The following SETD2 variants were observed in gnomAD, a reference collection of about 807,000 sequenced individuals.
SETD2 encodes SET domain containing 2, histone lysine methyltransferase, also known as histone-lysine N-methyltransferase SETD2.
A neutral mutation model predicts 242.1 loss-of-function variants in SETD2; 31 were observed. The observed-to-expected ratio is 0.13, with a 90% CI of 0.10 to 0.17. The LOEUF (loss-of-function observed/expected upper bound fraction) is 0.17, where lower values mean the gene tolerates loss of function less well. SETD2 is among the 10% of genes least tolerant of loss of function. The probability of loss-of-function intolerance (pLI) is 1.00; values close to 1 mark genes in which losing one functional copy is unlikely to be tolerated. For missense variants in SETD2, 2,481 were observed against 3,046.3 expected (o/e 0.81, Z 4.37); for synonymous variants, 1,006 against 1,066.5 (o/e 0.94, Z 1.11).
intron 9 of SETD2, among the ~76,000 whole-genome samples, chr3:47,094,049 A>G (rs1253350326): frequency 6.6e-6 from 1 of 152,196 alleles, no homozygotes; most frequent in Non-Finnish European, 1.5e-5. Context: ...GGATAGTAGT[A>G]TTCATTTGTT....
intron 1 of SETD2, among the ~76,000 whole-genome samples, chr3:47,149,079 T>C (rs2043925397): frequency 6.6e-6 from 1 of 152,160 alleles, no homozygotes; most frequent in Non-Finnish European, 1.5e-5. Context: ...ACCCTCCAAA[T>C]TGAACAATTA....
At chr3:47,074,995 G>C (rs2040989571) in intron 12 of SETD2, among the ~76,000 whole-genome samples, 1 of 152,118 alleles carries the variant, frequency 6.6e-6, no homozygotes, top group Admixed American at 6.5e-5. Flanking sequence ...TTAGCTGGGC[G>C]TGGTGGCAGG....
rs145713439 is a variant in SETD2 at position 47,032,454 on chromosome 3, A to G, written c.7350+5212T>C. Among the ~76,000 whole-genome samples the G allele has an allele frequency of 7.2e-5, 11 of 152,266 alleles. 1 individual carries two copies. The East Asian group carries it at 2.1e-3, about 29-fold the overall frequency. ...AACCCTGATGGTGCCACTGCACTCCAGCCTGGGAAACAGAGTGAACCATGG... is the reference window on the plus strand; with the variant it reads ...AACCCTGATGGTGCCACTGCACTCCGGCCTGGGAAACAGAGTGAACCATGG... On this transcript the variant is annotated intron_variant, in intron 18 of 20. Transcript: ENST00000409792.
At chr3:47,026,852 T>G (rs2107508437) in intron 18 of SETD2, among the ~76,000 whole-genome samples, 1 of 152,188 alleles carries the variant, frequency 6.6e-6, no homozygotes, top group South Asian at 2.1e-4. Flanking sequence ...AAAAACCTCA[T>G]GTAGGTGATG....
intron 10 of SETD2, among the ~76,000 whole-genome samples, chr3:47,086,649 C>A (rs2041570157): frequency 6.6e-6 from 1 of 151,600 alleles, no homozygotes; most frequent in Non-Finnish European, 1.5e-5. Flanking sequence ...AAGCTAAAAC[C>A]ATAAAAATTA....
intron 8 of SETD2, 102 bp from the exon 9 acceptor site, chr3:47,098,183 CA>C (rs1378402387): frequency 1.7e-6 from 2 of 1,187,570 alleles, no homozygotes; most frequent in African/African-American, 3.1e-5. Flanking sequence ...CAAAATCAAA[CA>C]AACAAAAACC....
intron 9 of SETD2, among the ~76,000 whole-genome samples, chr3:47,097,417 A>G (rs780890132): frequency 9.2e-5 from 14 of 152,182 alleles, no homozygotes; most frequent in Non-Finnish European, 1.6e-4. Context: ...TTCCCCACCA[A>G]CAATCCCATC....
intron 15 of SETD2, among the ~76,000 whole-genome samples, chr3:47,050,750 A>AT: frequency 6.7e-5 from 1 of 14,994 alleles, no homozygotes; most frequent in Non-Finnish European, 1.1e-4. Flanking sequence ...TTTTTTTTTG[A>AT]GACAGAGTCT....
chr3:47,043,617 C>T (rs566360228), intron 16 of SETD2, among the ~76,000 whole-genome samples: 10 of 152,192 alleles, frequency 6.6e-5, no homozygotes, highest in Non-Finnish European at 1.5e-4. Context: ...ACATTTTTTA[C>T]CTTTACCTTT....
At chr3:47,026,479 A>G (rs1262063959) in intron 18 of SETD2, among the ~76,000 whole-genome samples, 3 of 152,246 alleles carry the variant, frequency 2.0e-5, no homozygotes, top group Admixed American at 6.5e-5. Context: ...ATTATAAATC[A>G]TTCTACTGTA....
intron 12 of SETD2, chr3:47,080,819 G>A: frequency 1.0e-6 from 1 of 986,444 alleles, no homozygotes; most frequent in African/African-American, 1.7e-5. Context: ...TTCTCGCCAG[G>A]AGTAGGGATT....
chr3:47,074,197 G>A lies in SETD2; in HGVS notation c.6061-7079C>T, dbSNP rs55646108. On this transcript the variant is annotated intron_variant, in intron 12 of 20. Coordinates refer to ENST00000409792, the MANE Select transcript of SETD2 (RefSeq NM_014159.7). ...GTAATCTTCACATTCTATTAAAAAGGAGCTGAATAATGCTGCCAATTTTAT... is the reference window on the plus strand; with the variant it reads ...GTAATCTTCACATTCTATTAAAAAGAAGCTGAATAATGCTGCCAATTTTAT... Among the ~76,000 whole-genome samples the A allele has an allele frequency of 1.9e-3, 285 of 152,106 alleles. 2 individuals are homozygous for A. Among genetic ancestry groups the A allele is most frequent in the African/African-American group, 6.6e-3 (273 of 41,496 alleles).
At chr3:47,118,356 A>ATAT (rs2042942904) in intron 3 of SETD2, among the ~76,000 whole-genome samples, 1 of 152,178 alleles carries the variant, frequency 6.6e-6, no homozygotes, top group African/African-American at 2.4e-5. Flanking sequence ...CATTATATTC[A>ATAT]TATTATTTTT....
At chr3:47,039,605 C>T in intron 17 of SETD2, among the ~76,000 whole-genome samples, 1 of 151,076 alleles carries the variant, frequency 6.6e-6, no homozygotes, top group Non-Finnish European at 1.5e-5. Context: ...GTGGCTCACA[C>T]CTGTAATCCC....
intron 1 of SETD2, among the ~76,000 whole-genome samples, chr3:47,141,791 C>G (rs2043735410): frequency 6.6e-6 from 1 of 152,136 alleles, no homozygotes; most frequent in Non-Finnish European, 1.5e-5. Flanking sequence ...CAATTCAGTA[C>G]TCTTACGGAA....
Position 47,016,790 on chromosome 3 carries a change from G to T in SETD2, c.*303C>A. On this transcript the variant is annotated 3_prime_UTR_variant, in exon 21 of 21. Coordinates refer to ENST00000409792, the MANE Select transcript of SETD2 (RefSeq NM_014159.7). ...GGGGATGCGCATGGGTCTGTGCGCT[G>T]ACAGCACCGCCAAGGAGAAGACCCA... The T allele has an allele frequency of 2.6e-6, 1 of 381,886 alleles. No homozygotes were observed. The highest frequency in any genetic ancestry group is 4.8e-6 in the Non-Finnish European group (1 of 209,620). The allele number at this position is 381,886 out of a possible 1,614,324, so 23.7% of individuals were successfully genotyped here.
chr3:47,152,277 A>G, intron 1 of SETD2, among the ~76,000 whole-genome samples: 1 of 152,214 alleles, frequency 6.6e-6, no homozygotes, highest in Non-Finnish European at 1.5e-5. Flanking sequence ...CTACATTTTC[A>G]GCACAGAACC....
rs200479097 is a variant in SETD2, at chr3:47,122,361, T to C, written c.2275A>G (p.Lys759Glu). ...TEPLVSPHQD[K>E]LMSMPVMTVD... The stretch of plus-strand genomic sequence containing the variant: ...GTCATAACTGGCATAGACATGAGTT[T>C]ATCTTGGTGTGGTGACACCAGAGGT... Residue 759 changes from lysine (K) to glutamate (E), a missense_variant, in exon 3 of 21, where the codon AAA (lysine) becomes GAA (glutamate). Lys to Glu is a moderately conservative substitution (Grantham distance 56). This residue lies in a region of SETD2 where 1,300 missense variants were observed against 1,259.2 expected (regional missense o/e 1.03). Coordinates refer to ENST00000409792, the MANE Select transcript of SETD2 (RefSeq NM_014159.7). 1.2e-4 allele frequency: 186 copies of C among 1,614,166 alleles called. No individual in the cohort carries two copies. In the South Asian group the frequency reaches 2.0e-3, roughly 17 times the overall value.
rs145732065 is a variant in SETD2 at position 47,120,443 on chromosome 3, A to G, written c.4193T>C (p.Ile1398Thr). The G allele has an allele frequency of 2.2e-4, 353 of 1,612,848 alleles. 3 individuals carry two copies. Among genetic ancestry groups the G allele is most frequent in the Admixed American group, 1.2e-4 (7 of 59,678 alleles). The part of the protein sequence containing the change: ...DFSKNLEKND[I>T]KDRGPLKKRR... The stretch of plus-strand genomic sequence containing the variant: ...TTTTTTAAGAGGCCCTCTATCTTTG[A>G]TATCATTTTTTTCTAAGTTTTTTGA... The change falls in exon 3 of 21, where the codon ATC (isoleucine) becomes ACC (threonine). Residue 1398 changes from isoleucine to threonine, a missense_variant. By Grantham distance (89) the Ile-to-Thr change is moderately conservative (BLOSUM62 -1). Coordinates refer to ENST00000409792, the MANE Select transcript of SETD2 (RefSeq NM_014159.7).
Sources: gnomAD v4.1 joint callset for allele counts (sites outside exome capture counted in the v4.1 genomes callset) on GRCh38, gnomAD v4.1.1 for gene constraint, gnomAD v4.1.1 regional missense constraint, MANE v1.5 for transcripts, NCBI Gene and HGNC (gene_info 2026-07-23, HGNC 2026-07-21) for gene names.